Variants in CALN1 observed in about 807,000 individuals in gnomAD.
The protein encoded by CALN1 is calneuron 1.
A neutral mutation model predicts 30.6 loss-of-function variants in CALN1; 17 were observed. The observed-to-expected ratio is 0.56, with a 90% CI of 0.38 to 0.83. The LOEUF (loss-of-function observed/expected upper bound fraction) is 0.83. CALN1 is among the 40% of genes least tolerant of loss of function. CALN1 has a pLI of 0.00. For synonymous variants in CALN1, 156 were observed against 131.4 expected (o/e 1.19, Z -1.28); for missense variants, 291 against 354.9 (o/e 0.82, Z 1.45).
At chr7:72,408,349 G>C (rs536830420) in intron 1 of CALN1, among the ~76,000 whole-genome samples, 1 of 151,918 alleles carries the variant, frequency 6.6e-6, no homozygotes, top group Non-Finnish European at 1.5e-5. Context: ...GGTAAGGCAT[G>C]AAAGAGAATC....
At chr7:72,482,570 T>A in the CALN1 span, among the ~76,000 whole-genome samples, 1 of 152,100 alleles carries the variant, frequency 6.6e-6, no homozygotes, top group Non-Finnish European at 1.5e-5. Flanking sequence ...TATGACAGTC[T>A]ACCTTCAAAT....
chr7:72,154,142 T>C (rs946104839), intron 3 of CALN1, among the ~76,000 whole-genome samples: 2 of 150,664 alleles, frequency 1.3e-5, no homozygotes, highest in Non-Finnish European at 3.0e-5. Context: ...ATTGGGAAAA[T>C]AGAAATGGCT....
chr7:71,905,777 T>C (rs191929110), intron 5 of CALN1, among the ~76,000 whole-genome samples: 143 of 152,276 alleles, frequency 9.4e-4, no homozygotes, highest in Non-Finnish European at 1.5e-3. Context: ...GGTTTAACAC[T>C]GTGAAATTGT....
chr7:71,844,707 A>T (rs191689529), intron 5 of CALN1, among the ~76,000 whole-genome samples: 1 of 152,322 alleles, frequency 6.6e-6, no homozygotes, highest in East Asian at 1.9e-4. Context: ...AATCCTGGCT[A>T]AACTAAGAAA....
intron 3 of CALN1, among the ~76,000 whole-genome samples, chr7:72,247,186 G>C (rs1272869952): frequency 6.8e-5 from 10 of 146,476 alleles, no homozygotes. Context: ...AACTTCGTGG[G>C]TCCTTGGTCT....
intron 3 of CALN1, among the ~76,000 whole-genome samples, chr7:72,207,617 G>C (rs796965882): frequency 7.2e-6 from 1 of 138,850 alleles, no homozygotes; most frequent in African/African-American, 2.8e-5. Context: ...CACCCATCCC[G>C]CTTACTTTCT....
At chr7:72,071,460 A>G (rs1408536748) in intron 4 of CALN1, among the ~76,000 whole-genome samples, 1 of 152,226 alleles carries the variant, frequency 6.6e-6, no homozygotes, top group East Asian at 1.9e-4. Flanking sequence ...GACATCAAAG[A>G]CTAAGATATT....
At chr7:72,384,892 G>GA (rs906704481) in intron 2 of CALN1, among the ~76,000 whole-genome samples, 53 of 152,168 alleles carry the variant, frequency 3.5e-4, no homozygotes, top group African/African-American at 1.2e-3. Context: ...AAAAATATTT[G>GA]AGAACGCATA....
At chr7:72,070,627 A>G (rs1423111368) in intron 4 of CALN1, among the ~76,000 whole-genome samples, 3 of 152,232 alleles carry the variant, frequency 2.0e-5, no homozygotes, top group African/African-American at 7.2e-5. Context: ...TTTATGAATT[A>G]GGATTTAATT....
At chr7:72,267,165 T>G (rs1044335107) in intron 3 of CALN1, among the ~76,000 whole-genome samples, 1 of 152,158 alleles carries the variant, frequency 6.6e-6, no homozygotes, top group East Asian at 1.9e-4. Context: ...TAGAGAGAAG[T>G]GTCTCCAAAA....
At chr7:72,320,081 G>A (rs745426926) in intron 2 of CALN1, among the ~76,000 whole-genome samples, 17 of 151,854 alleles carry the variant, frequency 1.1e-4, no homozygotes, top group Non-Finnish European at 1.8e-4. Context: ...AGATCGTGCC[G>A]TTACACTCCA....
intron 5 of CALN1, among the ~76,000 whole-genome samples, chr7:71,896,144 C>G (rs578075118): frequency 2.2e-4 from 33 of 152,246 alleles, no homozygotes; most frequent in Middle Eastern, 3.4e-3. Flanking sequence ...TAATAATATA[C>G]GCTTTAATGT....
At chr7:72,065,021 G>C (rs1247644458) in intron 4 of CALN1, among the ~76,000 whole-genome samples, 1 of 148,972 alleles carries the variant, frequency 6.7e-6, no homozygotes, top group Non-Finnish European at 1.5e-5. Flanking sequence ...TTAATATTCT[G>C]AAATAGTGAT....
chr7:72,454,376 G>T, the CALN1 span, among the ~76,000 whole-genome samples: 1 of 152,188 alleles, frequency 6.6e-6, no homozygotes, highest in South Asian at 2.1e-4. Context: ...CAGACACAGA[G>T]AGAGGGGCAG....
chr7:72,144,206 T>A (rs1187023941), intron 3 of CALN1, among the ~76,000 whole-genome samples: 1 of 152,076 alleles, frequency 6.6e-6, no homozygotes, highest in Non-Finnish European at 1.5e-5. Context: ...TCAAGACCCA[T>A]CAGTGTGCTG....
intron 3 of CALN1, among the ~76,000 whole-genome samples, chr7:72,263,502 C>A (rs953518792): frequency 6.6e-6 from 1 of 152,028 alleles, no homozygotes; most frequent in Admixed American, 6.6e-5. Flanking sequence ...CTCACACAAT[C>A]CTTCTCCCTC....
intron 3 of CALN1, among the ~76,000 whole-genome samples, chr7:72,263,914 T>C (rs1442350332): frequency 2.0e-5 from 3 of 152,076 alleles, no homozygotes; most frequent in Non-Finnish European, 2.9e-5. Context: ...GCTTCAAGGG[T>C]CTAGGCCATC....
intron 5 of CALN1, among the ~76,000 whole-genome samples, chr7:71,984,393 G>T (rs753351281): frequency 2.0e-5 from 3 of 152,098 alleles, no homozygotes; most frequent in Non-Finnish European, 4.4e-5. Flanking sequence ...TGAAATAAAC[G>T]GTAATTTGAA....
intron 3 of CALN1, among the ~76,000 whole-genome samples, chr7:72,189,813 C>T (rs561556479): frequency 2.7e-5 from 4 of 150,376 alleles, no homozygotes; most frequent in Non-Finnish European, 5.9e-5. Context: ...GATGATTTTT[C>T]ATCTTTTCCT....
Sources: allele counts gnomAD v4.1 joint callset (sites outside exome capture counted in the v4.1 genomes callset), GRCh38; gene constraint gnomAD v4.1.1; transcripts MANE v1.5; gene names NCBI Gene and HGNC (gene_info 2026-07-23, HGNC 2026-07-21).